The following PSG7 variants were observed in gnomAD, a reference collection of about 807,000 sequenced individuals.
The protein encoded by PSG7 is pregnancy specific beta-1-glycoprotein 7, also known as pregnancy-specific beta-1-glycoprotein 7.
Under a neutral mutation model 45.6 loss-of-function variants are expected in PSG7, and 57 were observed. The ratio of observed to expected loss-of-function variants is 1.25; its 90% CI spans 1.01 to 1.56. PSG7 has a LOEUF of 1.56. PSG7 is among the 40% of genes most tolerant of loss of function. The pLI is 0.00. For synonymous variants in PSG7, 298 were observed against 194.4 expected, an observed-to-expected ratio of 1.53 and a Z score of -4.43; for missense variants, 796 against 508.4, an observed-to-expected ratio of 1.57 and a Z score of -5.44.
In PSG7 at chr19:42,926,674, G is replaced by T. The variant is rs115824313; in HGVS notation, c.752C>A (p.Pro251His). 8.9e-4 allele frequency: 1,437 copies of T among 1,610,250 alleles called. 45 individuals are homozygous for T. In the African/African-American group the frequency reaches 0.017, roughly 19 times the overall value. Residue 251 changes from proline (P) to histidine (H), a missense_variant, in exon 4 of 6, where the codon CCC becomes CAC. Pro to His is a moderately conservative substitution (Grantham distance 77). Coordinates refer to ENST00000406070, the MANE Select transcript of PSG7 (RefSeq NM_002783.3). Reference protein sequence around the residue: ...KPYITINNLNPRENKDVSTFT... With the variant: ...KPYITINNLNHRENKDVSTFT... ...GGTTGAGACATCCTTATTCTCCCTG[G>T]GGTTTAAGTTATTGATGGTGATGTA...
At chr19:42,928,173 G>C (rs1302178652) in intron 3 of PSG7, among the ~76,000 whole-genome samples, 1 of 151,584 alleles carries the variant, frequency 6.6e-6, no homozygotes. Context: ...GCCTTGGCAT[G>C]TGAGAAAGGC....
At chr19:42,934,870 G>A (rs1260251474) in intron 2 of PSG7, among the ~76,000 whole-genome samples, 2 of 151,698 alleles carry the variant, frequency 1.3e-5, no homozygotes, top group African/African-American at 2.4e-5. Context: ...GCTGAGCCCT[G>A]GCTGGTGAAC....
Position 42,934,660 on chromosome 19 carries a change from G to A in PSG7, c.430+744C>T, listed in dbSNP as rs369313403. Among the ~76,000 whole-genome samples the A allele has an allele frequency of 5.9e-5, 9 of 151,776 alleles. 1 individual carries two copies. The highest frequency in any genetic ancestry group is 9.7e-5 in the African/African-American group (4 of 41,370). Reference sequence around the variant, plus strand: ...TGCTTCCATGAGAAAGCACCTTTACGTCAGATCCCTGTGGACAAGCTGCTA... The same window carrying A: ...TGCTTCCATGAGAAAGCACCTTTACATCAGATCCCTGTGGACAAGCTGCTA... On this transcript the variant is annotated intron_variant, in intron 2 of 5. Transcript: ENST00000406070.
chr19:42,928,833 C>A (rs963080763), intron 3 of PSG7, among the ~76,000 whole-genome samples: 1 of 151,404 alleles, frequency 6.6e-6, no homozygotes, highest in African/African-American at 2.4e-5. Flanking sequence ...CCACCAGTGG[C>A]TGAGTTATGG....
chr19:42,933,294 TATA>T (rs1299216855), intron 2 of PSG7, among the ~76,000 whole-genome samples: 9 of 15,220 alleles, frequency 5.9e-4, no homozygotes, highest in East Asian at 2.6e-3. Context: ...TATATATATA[TATA>T]TATATATATA....
In PSG7 at chr19:42,935,647, T is replaced by G. The variant is rs1180383090; in HGVS notation, c.187A>C (p.Thr63Pro). Residue 63 changes from threonine (T) to proline (P), a missense_variant, in exon 2 of 6, where the codon ACT becomes CCT. Physicochemically the swap from Thr to Pro is conservative, Grantham distance 38. Coordinates refer to ENST00000406070, the MANE Select transcript of PSG7 (RefSeq NM_002783.3). Reference protein sequence around the residue: ...LLVHNLPQNLTGYIWYKGQIR... With the variant: ...LLVHNLPQNLPGYIWYKGQIR... ...TGTCCTTTGTACCAGATGTAGCCAG[T>G]AAGATTCTGGGGCAAATTGTGGACA... 1 of 1,612,190 alleles carries G rather than the reference T, an allele frequency of 6.2e-7. No homozygotes were observed. Among genetic ancestry groups the G allele is most frequent in the Non-Finnish European group, 8.5e-7 (1 of 1,179,144 alleles).
In PSG7 at chr19:42,928,667, A is replaced by C. The variant is rs7245982; in HGVS notation, c.709+775T>G. Among the ~76,000 whole-genome samples, 374 of 151,496 alleles carry C rather than the reference A, an allele frequency of 2.5e-3. 12 individuals carry two copies. Among genetic ancestry groups the C allele is most frequent in the African/African-American group, 7.4e-3 (306 of 41,232 alleles). On this transcript the variant is annotated intron_variant, in intron 3 of 5. Coordinates refer to ENST00000406070, the MANE Select transcript of PSG7 (RefSeq NM_002783.3). ...AACCTGGTGGTTTTGGAGCAGAAAT[A>C]TATTCCCTTTCCTGAGTTTTGATTT... is the stretch of plus-strand genomic sequence containing the variant.
chr19:42,924,923 G>T, intron 5 of PSG7, 99 bp from the exon 6 acceptor site: 2 of 745,638 alleles, frequency 2.7e-6, no homozygotes, highest in South Asian at 2.8e-5. Flanking sequence ...TCTCTCTATG[G>T]GCATCTCTAG....
chr19:42,934,222 G>C (rs1337094405), intron 2 of PSG7, among the ~76,000 whole-genome samples: 2 of 151,280 alleles, frequency 1.3e-5, no homozygotes, highest in Non-Finnish European at 2.9e-5. Flanking sequence ...CATTTTTTTT[G>C]CACTGACTCT....
chr19:42,929,854 T>A (rs1972981874), intron 2 of PSG7, 134 bp from the exon 3 acceptor site: 4 of 1,364,648 alleles, frequency 2.9e-6, no homozygotes, highest in East Asian at 2.3e-5. Flanking sequence ...GGTGTGTGTG[T>A]TACAAGACAG....
chr19:42,934,148 A>C (rs1461780481), intron 2 of PSG7, among the ~76,000 whole-genome samples: 1 of 151,568 alleles, frequency 6.6e-6, no homozygotes, highest in East Asian at 1.9e-4. Context: ...TGACATGGGA[A>C]CTTTGGGAAA....
At chr19:42,927,239 A>T (rs1384769544) in intron 3 of PSG7, 1 of 166,920 alleles carries the variant, frequency 6.0e-6, no homozygotes, top group Non-Finnish European at 1.3e-5. Context: ...CAGCAGAAAT[A>T]ACACAGGGGA....
At chr19:42,927,164 A>G in intron 3 of PSG7, 1 of 202,046 alleles carries the variant, frequency 4.9e-6, no homozygotes, top group East Asian at 1.1e-4. Context: ...ATGAGTAATA[A>G]TGGGACTTCC....
In PSG7 at chr19:42,926,699, A is replaced by C; in HGVS notation, c.727T>G (p.Tyr243Asp). ...LNLLPKLPKP[Y>D]ITINNLNPRE... ...GGGTTTAAGTTATTGATGGTGATGTAGGGCTTGGGCAGCTTCGCTGTGTGA... is the reference window on the plus strand; with the variant it reads ...GGGTTTAAGTTATTGATGGTGATGTCGGGCTTGGGCAGCTTCGCTGTGTGA... The change falls in exon 4 of 6, where the codon TAC becomes GAC. Residue 243 changes from tyrosine to aspartate, a missense_variant. Physicochemically the swap from Tyr to Asp is radical, Grantham distance 160. Transcript: ENST00000406070. 5 of 1,610,432 alleles carry C rather than the reference A, an allele frequency of 3.1e-6. No homozygotes were observed. The highest frequency in any genetic ancestry group is 4.2e-6 in the Non-Finnish European group (5 of 1,179,016).
rs1973165682 is a variant in PSG7 at position 42,937,003 on chromosome 19, C to G, written c.64+10G>C. The G allele has an allele frequency of 6.2e-7, 1 of 1,610,912 alleles. No homozygotes were observed. Among genetic ancestry groups the G allele is most frequent in the South Asian group, 1.1e-5 (1 of 90,788 alleles). ...TTTTCCTGTCCTCTCCCAGGAAGTT[C>G]TCTCCTCACCTGTGAGCAGGAGCCC... On this transcript the variant is annotated intron_variant, in intron 1 of 5. Coordinates refer to ENST00000406070, the MANE Select transcript of PSG7 (RefSeq NM_002783.3).
At chr19:42,933,305 A>ATTTTTTTTTTTTTT (rs1294208407) in intron 2 of PSG7, among the ~76,000 whole-genome samples, 1 of 13,748 alleles carries the variant, frequency 7.3e-5, no homozygotes. Flanking sequence ...ATATATATAT[A>ATTTTTTTTTTTTTT]TATTTTTTTT....
Position 42,926,640 on chromosome 19 carries a change from A to G in PSG7, c.786T>C (p.Cys262=), listed in dbSNP as rs761505399. 58 of 1,610,096 alleles carry G rather than the reference A, an allele frequency of 3.6e-5. 1 individual carries two copies. The highest frequency in any genetic ancestry group is 3.3e-4 in the East Asian group (15 of 44,822). ...RENKDVSTFT[C]EPKSENYTYI... Reference sequence around the variant, plus strand: ...AGGTGTAGTTCTCACTCTTAGGTTCACAGGTGAAGGTTGAGACATCCTTAT... The same window carrying G: ...AGGTGTAGTTCTCACTCTTAGGTTCGCAGGTGAAGGTTGAGACATCCTTAT... Residue 262 remains cysteine, a synonymous_variant, in exon 4 of 6, where the codon TGT becomes TGC. Coordinates refer to ENST00000406070, the MANE Select transcript of PSG7 (RefSeq NM_002783.3).
intron 2 of PSG7, among the ~76,000 whole-genome samples, chr19:42,931,324 C>G (rs1051764206): frequency 1.7e-4 from 25 of 149,786 alleles, no homozygotes; most frequent in African/African-American, 6.2e-4. Flanking sequence ...ACATTATGCT[C>G]AAAGAAAGAT....
chr19:42,936,979 T>A, intron 1 of PSG7, 34 bp downstream of exon 1: 3 of 1,607,672 alleles, frequency 1.9e-6, no homozygotes, highest in Non-Finnish European at 8.5e-7. Context: ...TCTGCTTCCT[T>A]TTCCTGTCCT....
Sources: gnomAD v4.1 joint callset for allele counts (sites outside exome capture counted in the v4.1 genomes callset) on GRCh38, gnomAD v4.1.1 for gene constraint, MANE v1.5 for transcripts, NCBI Gene and HGNC (gene_info 2026-07-23, HGNC 2026-07-21) for gene names.